SDK2: variants seen among roughly 807,000 people sequenced by gnomAD.
The protein encoded by SDK2 is sidekick cell adhesion molecule 2.
SDK2 carries 105 observed loss-of-function variants against 253.9 expected under a neutral mutation model. That is an observed-to-expected ratio of 0.41 (90% CI 0.35 to 0.49). SDK2 has a LOEUF of 0.49. Among genes scored for constraint, SDK2 ranks in the 20% least tolerant of loss-of-function variants. The pLI, the probability that SDK2 is intolerant of heterozygous loss-of-function variation, is 0.06. For synonymous variants in SDK2, 1,249 were observed against 1,234.9 expected (o/e 1.01, Z -0.24); for missense variants, 2,608 against 3,003.0 (o/e 0.87, Z 3.07).
intron 1 of SDK2, among the ~76,000 whole-genome samples, chr17:73,585,819 G>C (rs2045595883): frequency 6.6e-6 from 1 of 152,152 alleles, no homozygotes; most frequent in Non-Finnish European, 1.5e-5. Context: ...TCCACTTCCT[G>C]TGTGACCCTG....
Position 73,631,707 on chromosome 17 carries a change from A to G in SDK2, c.64+12318T>C, listed in dbSNP as rs369963088. On this transcript the variant is annotated intron_variant, in intron 1 of 44. Coordinates refer to ENST00000392650, the MANE Select transcript of SDK2 (RefSeq NM_001144952.2). ...ACATTTCCTTAGTGATGCATGGGGA[A>G]GGCAAGGTGCTTGCAGCTGTATGGG... 2.4e-4 allele frequency among the ~76,000 whole-genome samples: 37 copies of G among 152,318 alleles called. No homozygotes were observed. The East Asian group carries it at 6.7e-3, about 28-fold the overall frequency.
At position 73,481,427 on chromosome 17, in the gene SDK2, G is replaced by A. The variant is rs1293019990; in HGVS notation, c.225-9209C>T. On this transcript the variant is annotated intron_variant, in intron 2 of 44. Transcript: ENST00000392650. The surrounding 1 kb of genome is among the most constrained non-coding windows in gnomAD (Gnocchi z 4.5). ...ATGAAGGATGCCTGCCCAGACAGCT[G>A]GTAAAGGATGGTCTGGGTGTGTCTG... Among the ~76,000 whole-genome samples the A allele has an allele frequency of 2.6e-5, 4 of 152,134 alleles. No individual in the cohort carries two copies. The highest frequency in any genetic ancestry group is 7.2e-5 in the African/African-American group (3 of 41,412).
chr17:73,369,431 C>G (rs1599491777), intron 36 of SDK2, among the ~76,000 whole-genome samples: 2 of 152,378 alleles, frequency 1.3e-5, no homozygotes, highest in South Asian at 4.1e-4. Flanking sequence ...CAGCGGGAGG[C>G]TGAATCCCAG....
chr17:73,580,978 G>A (rs984260877), intron 1 of SDK2, among the ~76,000 whole-genome samples: 1 of 152,174 alleles, frequency 6.6e-6, no homozygotes, highest in African/African-American at 2.4e-5. Context: ...CTGCAGCCTC[G>A]AACTCCTGGG....
chr17:73,392,484 G>T (rs1207042571), intron 27 of SDK2, among the ~76,000 whole-genome samples: 1 of 152,050 alleles, frequency 6.6e-6, no homozygotes, highest in Non-Finnish European at 1.5e-5. Context: ...GGCCAGGCTG[G>T]TCTTGAACTC....
intron 1 of SDK2, among the ~76,000 whole-genome samples, chr17:73,580,433 G>T (rs2045518680): frequency 1.3e-5 from 2 of 152,366 alleles, no homozygotes; most frequent in South Asian, 2.1e-4. Flanking sequence ...CCTGAGTAAG[G>T]CTGTTGCCCC....
At chr17:73,367,205 C>T (rs1482296832) in intron 37 of SDK2, among the ~76,000 whole-genome samples, 1 of 152,106 alleles carries the variant, frequency 6.6e-6, no homozygotes, top group African/African-American at 2.4e-5. Flanking sequence ...GATAGGGTTT[C>T]ATCATGTTGG....
intron 1 of SDK2, among the ~76,000 whole-genome samples, chr17:73,633,453 A>T (rs931763880): frequency 3.3e-5 from 5 of 151,936 alleles, no homozygotes; most frequent in African/African-American, 1.2e-4. Context: ...TTACCTTCCC[A>T]TTTTTTTCCC....
At chr17:73,624,938 C>T (rs1002187264) in intron 1 of SDK2, among the ~76,000 whole-genome samples, 1 of 152,154 alleles carries the variant, frequency 6.6e-6, no homozygotes, top group Non-Finnish European at 1.5e-5. Flanking sequence ...TAATCTCTCT[C>T]CAAGAGTCAA....
intron 12 of SDK2, among the ~76,000 whole-genome samples, chr17:73,424,508 T>C (rs1383560176): frequency 4.6e-5 from 7 of 152,208 alleles, no homozygotes; most frequent in Non-Finnish European, 2.9e-5. Context: ...ATGAGGGGAA[T>C]CATTATATCA....
At chr17:73,468,899 A>G (rs2145687991) in intron 3 of SDK2, among the ~76,000 whole-genome samples, 1 of 151,976 alleles carries the variant, frequency 6.6e-6, no homozygotes, top group Non-Finnish European at 1.5e-5. Flanking sequence ...ATCTTGTCTC[A>G]CTGCAACCTC....
At chr17:73,359,004 C>T (rs2062617587) in intron 39 of SDK2, among the ~76,000 whole-genome samples, 2 of 152,050 alleles carry the variant, frequency 1.3e-5, no homozygotes, top group Admixed American at 1.3e-4. Context: ...CTGCAAGGGG[C>T]TCTGAGCCCC....
intron 1 of SDK2, among the ~76,000 whole-genome samples, chr17:73,621,839 T>A (rs1051463951): frequency 6.6e-6 from 1 of 151,922 alleles, no homozygotes; most frequent in Admixed American, 6.6e-5. Flanking sequence ...TTAGTGAAGC[T>A]CAAGAAGGAA....
In SDK2 at chr17:73,395,848, C is replaced by G. The variant is rs1165411947; in HGVS notation, c.3355-456G>C. Among the ~76,000 whole-genome samples, 7 of 152,162 alleles carry G rather than the reference C, an allele frequency of 4.6e-5. No individual in the cohort carries two copies. Among genetic ancestry groups the G allele is most frequent in the Admixed American group, 4.6e-4 (7 of 15,276 alleles). On this transcript the variant is annotated intron_variant, in intron 24 of 44. Coordinates refer to ENST00000392650, the MANE Select transcript of SDK2 (RefSeq NM_001144952.2). This position sits in a 1 kb window ranked among gnomAD's most constrained non-coding sequence, Gnocchi z 4.3. The stretch of plus-strand genomic sequence containing the variant: ...GCAGAGAGCAGGATGAGTGGGGCAC[C>G]TGCCAGTCAGGAAGTCCTTCTGTCC...
At chr17:73,498,442 C>T (rs1475315831) in intron 2 of SDK2, among the ~76,000 whole-genome samples, 5 of 152,194 alleles carry the variant, frequency 3.3e-5, no homozygotes, top group Admixed American at 3.3e-4. Context: ...GGTGGCAGGG[C>T]AGGCGGGGCT....
chr17:73,627,061 G>A (rs1011151680), intron 1 of SDK2, among the ~76,000 whole-genome samples: 2 of 152,184 alleles, frequency 1.3e-5, no homozygotes, highest in African/African-American at 4.8e-5. Context: ...TGAGCATCTT[G>A]TATATTTTGA....
At chr17:73,546,082 G>A (rs1296804259) in intron 1 of SDK2, among the ~76,000 whole-genome samples, 1 of 151,882 alleles carries the variant, frequency 6.6e-6, no homozygotes, top group Non-Finnish European at 1.5e-5. Flanking sequence ...TCAGGAAAGT[G>A]TTGGGGGAAG....
At chr17:73,548,812 C>G (rs895771105) in intron 1 of SDK2, among the ~76,000 whole-genome samples, 2 of 152,238 alleles carry the variant, frequency 1.3e-5, no homozygotes, top group Admixed American at 6.5e-5. Context: ...TGGGCCTGCA[C>G]ACTTAAGCTT....
At chr17:73,533,414 G>A (rs931477933) in intron 1 of SDK2, among the ~76,000 whole-genome samples, 6 of 152,232 alleles carry the variant, frequency 3.9e-5, no homozygotes, top group Non-Finnish European at 8.8e-5. Flanking sequence ...TCTGGTCATT[G>A]GGCAGTGGCC....
Sources: allele counts gnomAD v4.1 joint callset (sites outside exome capture counted in the v4.1 genomes callset), GRCh38; gene constraint gnomAD v4.1.1; non-coding constraint Gnocchi (gnomAD v3.1); transcripts MANE v1.5; gene names NCBI Gene and HGNC (gene_info 2026-07-23, HGNC 2026-07-21).